The following PDZD2 variants were observed in gnomAD, a reference collection of about 807,000 sequenced individuals.
The protein encoded by PDZD2 is PDZ domain-containing protein 2.
In PDZD2, 90 loss-of-function variants were observed where a neutral mutation model predicts 220.7. The ratio of observed to expected loss-of-function variants is 0.41; its 90% confidence interval spans 0.34 to 0.49. The LOEUF (loss-of-function observed/expected upper bound fraction) is 0.49. Among genes scored for constraint, PDZD2 ranks in the 20% least tolerant of loss-of-function variants. PDZD2 has a pLI of 0.28. For missense variants in PDZD2, 3,174 were observed against 3,608.5 expected (o/e 0.88, Z 3.08); for synonymous variants, 1,375 against 1,450.5 (o/e 0.95, Z 1.18).
chr5:31,792,159 C>A (rs1448235400), intron 1 of PDZD2, among the ~76,000 whole-genome samples: 2 of 152,198 alleles, frequency 1.3e-5, no homozygotes, highest in Non-Finnish European at 2.9e-5. Context: ...GAGAGCCACA[C>A]GCTTCTGACA....
At chr5:31,792,234 G>A (rs1753769978) in intron 1 of PDZD2, among the ~76,000 whole-genome samples, 1 of 152,194 alleles carries the variant, frequency 6.6e-6, no homozygotes, top group African/African-American at 2.4e-5. Context: ...CAGGCTGGGT[G>A]CTGGCCTGGT....
intron 6 of PDZD2, among the ~76,000 whole-genome samples, chr5:32,014,398 C>T (rs1267173746): frequency 2.6e-5 from 4 of 152,136 alleles, no homozygotes; most frequent in Non-Finnish European, 5.9e-5. Context: ...TAGAATAAAA[C>T]CATATGGTGA....
chr5:31,806,476 C>T (rs114603737), intron 2 of PDZD2, among the ~76,000 whole-genome samples: 1 of 152,224 alleles, frequency 6.6e-6, no homozygotes, highest in South Asian at 2.1e-4. Flanking sequence ...TCCTAGGAAG[C>T]CTTCATTCTT....
intron 5 of PDZD2, among the ~76,000 whole-genome samples, chr5:32,007,815 C>A (rs900451083): frequency 6.6e-6 from 1 of 152,218 alleles, no homozygotes. Flanking sequence ...CCCCAGCCCC[C>A]TCCCTGGCCC....
chr5:31,827,797 T>C (rs1020683098), intron 2 of PDZD2, among the ~76,000 whole-genome samples: 9 of 152,218 alleles, frequency 5.9e-5, no homozygotes, highest in African/African-American at 2.2e-4. Flanking sequence ...TGAGTGGTTT[T>C]ATAGATTCAC....
At chr5:32,060,748 A>G (rs890030975) in intron 13 of PDZD2, among the ~76,000 whole-genome samples, 1 of 152,168 alleles carries the variant, frequency 6.6e-6, no homozygotes, top group African/African-American at 2.4e-5. Context: ...CATTGTCCTT[A>G]TTATCAATTT....
chr5:31,667,732 C>A (rs890113063), intron 1 of PDZD2, among the ~76,000 whole-genome samples: 1 of 151,736 alleles, frequency 6.6e-6, no homozygotes, highest in Non-Finnish European at 1.5e-5. Flanking sequence ...CTCCTGAAGG[C>A]GTAGTCATGG....
At chr5:31,752,201 C>T (rs1310553705) in intron 1 of PDZD2, among the ~76,000 whole-genome samples, 1 of 151,470 alleles carries the variant, frequency 6.6e-6, no homozygotes, top group Non-Finnish European at 1.5e-5. Flanking sequence ...ACCTCAACCT[C>T]CCAAGTAGCC....
intron 19 of PDZD2, among the ~76,000 whole-genome samples, chr5:32,085,376 T>G (rs1188575894): frequency 6.7e-6 from 1 of 150,256 alleles, no homozygotes; most frequent in Non-Finnish European, 1.5e-5. Context: ...TCACATCAAA[T>G]GTATCATGTC....
intron 1 of PDZD2, among the ~76,000 whole-genome samples, chr5:31,678,455 G>C (rs1746528644): frequency 6.6e-6 from 1 of 151,940 alleles, no homozygotes; most frequent in Non-Finnish European, 1.5e-5. Flanking sequence ...CAGTTCTGGT[G>C]GGGGACGTCT....
intron 2 of PDZD2, among the ~76,000 whole-genome samples, chr5:31,815,284 ATG>A: frequency 8.4e-6 from 1 of 118,748 alleles, no homozygotes; most frequent in East Asian, 2.0e-4. Flanking sequence ...TAGGTGGCAG[ATG>A]TCTCATCAGA....
At chr5:31,899,645 G>A (rs544937735) in intron 2 of PDZD2, among the ~76,000 whole-genome samples, 1 of 152,180 alleles carries the variant, frequency 6.6e-6, no homozygotes, top group African/African-American at 2.4e-5. Context: ...TACTATGATC[G>A]AATGTTTATG....
At chr5:31,783,487 C>T (rs1753180124) in intron 1 of PDZD2, among the ~76,000 whole-genome samples, 1 of 152,142 alleles carries the variant, frequency 6.6e-6, no homozygotes, top group Non-Finnish European at 1.5e-5. Flanking sequence ...AACAAGTCTT[C>T]GGTTATTTTC....
At chr5:31,858,853 G>GGA (rs1276712224) in intron 2 of PDZD2, among the ~76,000 whole-genome samples, 2 of 152,006 alleles carry the variant, frequency 1.3e-5, no homozygotes, top group Non-Finnish European at 2.9e-5. Flanking sequence ...CAAGTAGCTG[G>GGA]GACCACAGGC....
In PDZD2 at chr5:31,651,378, A is replaced by G. The variant is rs568609722; in HGVS notation, c.-361+11941A>G. Among the ~76,000 whole-genome samples the G allele has an allele frequency of 2.0e-5, 3 of 152,336 alleles. No homozygotes were observed. The South Asian group carries it at 6.2e-4, about 32-fold the overall frequency. On this transcript the variant is annotated intron_variant, in intron 1 of 24. Transcript: ENST00000438447. ...CCAGAACTTTGCCCGAGGATTGTGC[A>G]TGTAAGGTGTCACTCATTGGTAGTA...
At chr5:31,901,512 TCAAA>T (rs948818680) in intron 2 of PDZD2, among the ~76,000 whole-genome samples, 4 of 152,082 alleles carry the variant, frequency 2.6e-5, no homozygotes, top group South Asian at 2.1e-4. Context: ...ATACTTCCCC[TCAAA>T]CAATTTTCAG....
intron 3 of PDZD2, 112 bp from the exon 4 acceptor site, chr5:31,995,464 A>G (rs1043676914): frequency 1.8e-6 from 2 of 1,084,956 alleles, no homozygotes; most frequent in Non-Finnish European, 2.8e-6. Flanking sequence ...ATAATCTGTG[A>G]TATCTGTGGA....
At chr5:32,095,904 C>CCTTTTT (rs1561586600) in intron 21 of PDZD2, among the ~76,000 whole-genome samples, 1 of 121,332 alleles carries the variant, frequency 8.2e-6, no homozygotes, top group Non-Finnish European at 1.7e-5. Context: ...CCATGCCCGG[C>CCTTTTT]TTTTTTTTTT....
intron 24 of PDZD2, among the ~76,000 whole-genome samples, chr5:32,102,371 G>A (rs1744334231): frequency 6.6e-6 from 1 of 151,828 alleles, no homozygotes; most frequent in Non-Finnish European, 1.5e-5. Flanking sequence ...AGAGGCCTGG[G>A]ACCTGCTCTT....
Sources: gnomAD v4.1 joint callset for allele counts (sites outside exome capture counted in the v4.1 genomes callset) on GRCh38, gnomAD v4.1.1 for gene constraint, MANE v1.5 for transcripts, NCBI Gene and HGNC (gene_info 2026-07-23, HGNC 2026-07-21) for gene names.